The following YARS1 variants were observed in gnomAD, a reference collection of about 807,000 sequenced individuals.
The protein encoded by YARS1 is tyrosyl-tRNA synthetase 1.
A neutral mutation model predicts 62.2 loss-of-function variants in YARS1; 36 were observed. The ratio of observed to expected loss-of-function variants is 0.58; its 90% CI spans 0.44 to 0.76. The LOEUF (loss-of-function observed/expected upper bound fraction) is 0.76, where lower values mean the gene tolerates loss of function less well. Ranked by LOEUF, YARS1 falls within the 30% of genes least tolerant of loss-of-function variation. The pLI, the probability that YARS1 is intolerant of heterozygous loss-of-function variation, is 0.00. For missense variants in YARS1, 524 were observed against 639.8 expected (o/e 0.82, Z 1.95); for synonymous variants, 234 against 244.9 (o/e 0.96, Z 0.42).
intron 4 of YARS1, among the ~76,000 whole-genome samples, chr1:32,804,729 T>C (rs1029423207): frequency 2.4e-4 from 34 of 141,668 alleles, no homozygotes; most frequent in Admixed American, 2.0e-3. Context: ...GCCGGGAAGA[T>C]GCGCTCCTCA....
intron 1 of YARS1, among the ~76,000 whole-genome samples, chr1:32,815,965 C>G (rs183472859): frequency 6.6e-6 from 1 of 151,900 alleles, no homozygotes; most frequent in African/African-American, 2.4e-5. Flanking sequence ...AAAAATTAGC[C>G]GGGCGTGGGG....
At position 32,786,173 on chromosome 1, in the gene YARS1, A is replaced by C. The variant is rs540789148; in HGVS notation, c.906+189T>G. Among the ~76,000 whole-genome samples the C allele has an allele frequency of 3.3e-5, 5 of 152,348 alleles. No individual in the cohort carries two copies. In the South Asian group the frequency reaches 1.0e-3, roughly 32 times the overall value. On this transcript the variant is annotated intron_variant, in intron 8 of 12. Transcript: ENST00000373477. ...ATTCCTAAGTCAGAAAAGCTAACTGACAAGAAACTTTAACCAAAACTGCAA... is the reference window on the plus strand; with the variant it reads ...ATTCCTAAGTCAGAAAAGCTAACTGCCAAGAAACTTTAACCAAAACTGCAA...
chr1:32,808,922 T>C (rs1183512168), intron 3 of YARS1, among the ~76,000 whole-genome samples: 4 of 152,226 alleles, frequency 2.6e-5, no homozygotes, highest in African/African-American at 9.6e-5. Context: ...GACTTTTGTT[T>C]TGGCTTACTT....
At chr1:32,814,639 G>A (rs760614711) in intron 1 of YARS1, among the ~76,000 whole-genome samples, 1 of 152,140 alleles carries the variant, frequency 6.6e-6, no homozygotes, top group African/African-American at 2.4e-5. Flanking sequence ...ATCTGCCCGT[G>A]TGGGCCTCCC....
chr1:32,817,006 G>A, intron 1 of YARS1, 182 bp downstream of exon 1: 1 of 742,568 alleles, frequency 1.3e-6, no homozygotes. Context: ...GATTTCTGGG[G>A]AACCCAGGGA....
intron 3 of YARS1, among the ~76,000 whole-genome samples, chr1:32,808,330 C>T (rs1481185485): frequency 6.6e-6 from 1 of 151,920 alleles, no homozygotes. Context: ...AGCGATTATC[C>T]TGCCTCAGCC....
chr1:32,802,962 G>A (rs1057153435), intron 4 of YARS1, among the ~76,000 whole-genome samples: 2 of 146,734 alleles, frequency 1.4e-5, no homozygotes, highest in African/African-American at 2.5e-5. Flanking sequence ...ACAGATGCGC[G>A]CCACAACGCC....
intron 4 of YARS1, among the ~76,000 whole-genome samples, chr1:32,804,943 A>G (rs1458413438): frequency 6.6e-6 from 1 of 152,136 alleles, no homozygotes; most frequent in African/African-American, 2.4e-5. Context: ...CCTGGGCAAC[A>G]TTGAGCACTG....
chr1:32,804,977 T>A (rs1638416756), intron 4 of YARS1, among the ~76,000 whole-genome samples: 1 of 152,098 alleles, frequency 6.6e-6, no homozygotes, highest in African/African-American at 2.4e-5. Flanking sequence ...CCGTCTGCAA[T>A]CCCGGCACCT....
At chr1:32,801,688 TCTTTC>T (rs1282084470) in intron 4 of YARS1, among the ~76,000 whole-genome samples, 1 of 152,244 alleles carries the variant, frequency 6.6e-6, no homozygotes, top group African/African-American at 2.4e-5. Flanking sequence ...CAGCAGAACT[TCTTTC>T]AATATTGGAG....
chr1:32,807,977 A>T (rs1379524991), intron 3 of YARS1, among the ~76,000 whole-genome samples: 1 of 151,244 alleles, frequency 6.6e-6, no homozygotes, highest in Non-Finnish European at 1.5e-5. Flanking sequence ...TGGCACAATC[A>T]TAGTCACTGA....
At chr1:32,798,089 C>A (rs1653663176) in intron 4 of YARS1, 2 of 446,372 alleles carry the variant, frequency 4.5e-6, no homozygotes, top group African/African-American at 2.0e-5. Flanking sequence ...CCAGGCTGGC[C>A]TTAAAATCCT....
At chr1:32,804,560 G>T (rs4454511) in intron 4 of YARS1, among the ~76,000 whole-genome samples, 44,546 of 151,122 alleles carry the variant, frequency 0.29, 7,814 homozygotes, top group East Asian at 0.48. Context: ...AGACGGGGTG[G>T]CGGTCGGGCA....
intron 4 of YARS1, among the ~76,000 whole-genome samples, chr1:32,800,815 T>G (rs1638267409): frequency 6.6e-6 from 1 of 152,184 alleles, no homozygotes; most frequent in African/African-American, 2.4e-5. Flanking sequence ...CCTCGTGATC[T>G]GCCCGTTTTG....
chr1:32,800,516 A>G (rs989743594), intron 4 of YARS1, among the ~76,000 whole-genome samples: 7 of 152,294 alleles, frequency 4.6e-5, no homozygotes, highest in Admixed American at 3.9e-4. Context: ...ATATACAAAG[A>G]AAAAGTGAAG....
Position 32,791,322 on chromosome 1 carries a change from T to A in YARS1, c.592-68A>T, listed in dbSNP as rs1189070754. On this transcript the variant is annotated intron_variant, in intron 5 of 12. Coordinates refer to ENST00000373477, the MANE Select transcript of YARS1 (RefSeq NM_003680.4). ...GTTCCTCCTCAGTGCCCTGATCTCA[T>A]CTGACTTGGCCAGCAACTGAGTAGT... The A allele has an allele frequency of 3.9e-5, 50 of 1,296,322 alleles. No homozygotes were observed. In the South Asian group the frequency reaches 5.7e-4, roughly 15 times the overall value. The allele number at this position is 1,296,322 out of a possible 1,614,324, so 80.3% of individuals were successfully genotyped here.
intron 12 of YARS1, among the ~76,000 whole-genome samples, chr1:32,777,826 G>A (rs1347378981): frequency 1.3e-5 from 2 of 152,096 alleles, no homozygotes; most frequent in Non-Finnish European, 2.9e-5. Flanking sequence ...CATTTAGTAT[G>A]ACTTAAACCA....
At chr1:32,789,364 A>G (rs527495578) in intron 6 of YARS1, among the ~76,000 whole-genome samples, 1 of 152,294 alleles carries the variant, frequency 6.6e-6, no homozygotes, top group East Asian at 1.9e-4. Flanking sequence ...ATGTGTGAGG[A>G]TACTTGTTCA....
At chr1:32,795,082 G>T (rs1653536944) in intron 5 of YARS1, among the ~76,000 whole-genome samples, 1 of 151,146 alleles carries the variant, frequency 6.6e-6, no homozygotes, top group African/African-American at 2.4e-5. Context: ...CACTCTGGGA[G>T]GCCAAGGTCG....
Sources: allele counts gnomAD v4.1 joint callset (sites outside exome capture counted in the v4.1 genomes callset), GRCh38; gene constraint gnomAD v4.1.1; transcripts MANE v1.5; gene names NCBI Gene and HGNC (gene_info 2026-07-23, HGNC 2026-07-21).